Variants in COL14A1 observed in about 807,000 individuals in gnomAD.
The protein encoded by COL14A1 is collagen type XIV alpha 1 chain.
A neutral mutation model predicts 230.3 loss-of-function variants in COL14A1; 136 were observed. The observed-to-expected ratio is 0.59, with a 90% CI of 0.51 to 0.68. The LOEUF (loss-of-function observed/expected upper bound fraction) is 0.68, where lower values mean the gene tolerates loss of function less well. Ranked by LOEUF, COL14A1 falls within the 30% of genes least tolerant of loss-of-function variation. COL14A1 has a pLI of 0.00. For synonymous variants in COL14A1, 792 were observed against 784.1 expected (o/e 1.01, Z -0.17); for missense variants, 1,976 against 2,215.8 (o/e 0.89, Z 2.17).
At chr8:120,278,661 C>A in intron 28 of COL14A1, 83 bp downstream of exon 28, 2 of 1,342,028 alleles carry the variant, frequency 1.5e-6, no homozygotes, top group Non-Finnish European at 1.0e-6. Flanking sequence ...GCTATATCAG[C>A]ATTACTTAAA....
intron 26 of COL14A1, among the ~76,000 whole-genome samples, chr8:120,273,293 A>C (rs1183569310): frequency 6.6e-6 from 1 of 151,874 alleles, no homozygotes; most frequent in Non-Finnish European, 1.5e-5. Flanking sequence ...CAGTAAAAGC[A>C]GTTCTAAGAG....
At chr8:120,191,582 T>A (rs1816828506) in intron 5 of COL14A1, among the ~76,000 whole-genome samples, 1 of 151,912 alleles carries the variant, frequency 6.6e-6, no homozygotes, top group Non-Finnish European at 1.5e-5. Context: ...AGAGCTGAGT[T>A]CAATTCCTGG....
chr8:120,197,780 T>G, intron 6 of COL14A1, 31 bp from the exon 7 acceptor site: 3 of 1,590,816 alleles, frequency 1.9e-6, no homozygotes, highest in Non-Finnish European at 1.7e-6. Flanking sequence ...AACCCATTAT[T>G]CCTGGTGCGT....
intron 1 of COL14A1, among the ~76,000 whole-genome samples, chr8:120,132,838 T>G (rs1814576788): frequency 6.6e-6 from 1 of 152,190 alleles, no homozygotes; most frequent in Admixed American, 6.5e-5. Context: ...TGTTAAAAAG[T>G]AACCTCTCCA....
At chr8:120,281,346 G>C (rs1051509771) in intron 31 of COL14A1, among the ~76,000 whole-genome samples, 3 of 151,928 alleles carry the variant, frequency 2.0e-5, no homozygotes, top group African/African-American at 7.3e-5. Context: ...AGGATCACTT[G>C]AGGCCAAAAG....
chr8:120,283,899 A>G lies in COL14A1; in HGVS notation c.3967+121A>G, dbSNP rs1719465562. 11 of 682,996 alleles carry G rather than the reference A, an allele frequency of 1.6e-5. No individual in the cohort carries two copies. The South Asian group carries it at 2.3e-4, about 14-fold the overall frequency. The allele number at this position is 682,996 out of a possible 1,614,324, so 42.3% of individuals were successfully genotyped here. A position where few individuals can be genotyped will look rare whatever the true frequency, so the allele number is the denominator to read the frequency against. On this transcript the variant is annotated intron_variant, in intron 32 of 47. Transcript: ENST00000297848. ...CACTAATCTTATGTGATGTGTAAAT[A>G]CTAAACAATGAATTATATAGCAGTT...
At chr8:120,264,458 C>CT (rs1819444367) in intron 24 of COL14A1, among the ~76,000 whole-genome samples, 1 of 152,168 alleles carries the variant, frequency 6.6e-6, no homozygotes. Flanking sequence ...TTCAGCATCT[C>CT]TGAGCTTTTC....
chr8:120,167,419 A>G (rs1033480747), intron 4 of COL14A1, among the ~76,000 whole-genome samples: 23 of 152,220 alleles, frequency 1.5e-4, no homozygotes, highest in African/African-American at 5.3e-4. Context: ...TTATTTGTGC[A>G]GAGACCACTG....
At chr8:120,270,231 C>T in intron 26 of COL14A1, 57 bp downstream of exon 26, 2 of 1,496,328 alleles carry the variant, frequency 1.3e-6, no homozygotes, top group Non-Finnish European at 1.8e-6. Flanking sequence ...TTCTCCAGCT[C>T]TTATTACAGC....
At position 120,332,734 on chromosome 8, in the gene COL14A1, C is replaced by T. The variant is rs1442316480; in HGVS notation, c.4784C>T (p.Pro1595Leu). 3 of 1,612,168 alleles carry T rather than the reference C, an allele frequency of 1.9e-6. No homozygotes were observed. Among genetic ancestry groups the T allele is most frequent in the Non-Finnish European group, 1.7e-6 (2 of 1,178,730 alleles). ...GGACCGCAAGGCGCCCTGGGACCAC[C>T]TGTGAGTATGCAGCGGTAGCTGCTC... ...SMGPQGALGP[P>L]GVPGAKGERG... The change falls in exon 42 of 48, where the codon CCT becomes CTT. Residue 1595 changes from proline (P) to leucine (L), a missense_variant and splice_region_variant. Physicochemically the swap from Pro to Leu is moderately conservative, Grantham distance 98. This residue lies in a region of COL14A1 where 1,791 missense variants were observed against 2,019.5 expected (regional missense o/e 0.89). Coordinates refer to ENST00000297848, the MANE Select transcript of COL14A1 (RefSeq NM_021110.4).
intron 36 of COL14A1, among the ~76,000 whole-genome samples, chr8:120,308,908 G>T (rs2130076617): frequency 6.6e-6 from 1 of 152,192 alleles, no homozygotes; most frequent in Admixed American, 6.5e-5. Flanking sequence ...GCGAACTCTT[G>T]GCTCACAGAC....
chr8:120,311,876 C>A (rs1821055359), intron 37 of COL14A1, among the ~76,000 whole-genome samples: 1 of 152,056 alleles, frequency 6.6e-6, no homozygotes, highest in African/African-American at 2.4e-5. Context: ...GCAAGTGGAT[C>A]ACTTTGAGGT....
intron 2 of COL14A1, among the ~76,000 whole-genome samples, chr8:120,153,760 A>G (rs577038648): frequency 2.8e-4 from 43 of 152,362 alleles, no homozygotes; most frequent in African/African-American, 9.4e-4. Flanking sequence ...TCATATAATC[A>G]AAGTAAAAGT....
Position 120,243,883 on chromosome 8 carries a change from T to C in COL14A1, c.2354T>C (p.Met785Thr). ...GTCCTTTGCTTTTTTGTTCAGGTTA[T>C]GGTGCCTGGAAGCCAGAACAACCTC... ...DPEEEVIGTV[M>T]VPGSQNNLLL... Residue 785 changes from methionine (M) to threonine (T), a missense_variant, in exon 20 of 48, where the codon ATG becomes ACG. This residue lies in a region of COL14A1 where 1,791 missense variants were observed against 2,019.5 expected (regional missense o/e 0.89). Coordinates refer to ENST00000297848, the MANE Select transcript of COL14A1 (RefSeq NM_021110.4). 6.2e-7 allele frequency: 1 copy of C among 1,613,076 alleles called. No homozygotes were observed. The highest frequency in any genetic ancestry group is 8.5e-7 in the Non-Finnish European group (1 of 1,179,356).
At position 120,346,587 on chromosome 8, in the gene COL14A1, A is replaced by G. The variant is rs571632231; in HGVS notation, c.5077+1024A>G. Among the ~76,000 whole-genome samples the G allele has an allele frequency of 8.5e-4, 130 of 152,162 alleles. 4 individuals carry two copies. The highest frequency in any genetic ancestry group is 9.7e-4 in the Non-Finnish European group (66 of 68,020). On this transcript the variant is annotated intron_variant, in intron 45 of 47. Coordinates refer to ENST00000297848, the MANE Select transcript of COL14A1 (RefSeq NM_021110.4). ...TGACTCATGCTAACAGGCCTTGTGT[A>G]TTTCTGCCTCTGCACTTTTGTACAC...
intron 37 of COL14A1, among the ~76,000 whole-genome samples, chr8:120,313,129 T>C (rs942510763): frequency 1.3e-5 from 2 of 152,046 alleles, no homozygotes; most frequent in Non-Finnish European, 2.9e-5. Context: ...GGAGGCCAAA[T>C]TGGGCAGATC....
rs903514326 is a variant in COL14A1 at position 120,270,089 on chromosome 8, T to C, written c.3128T>C (p.Ile1043Thr). 5.6e-6 allele frequency: 9 copies of C among 1,611,474 alleles called. No individual in the cohort carries two copies. The highest frequency in any genetic ancestry group is 2.7e-5 in the African/African-American group (2 of 74,720). The change falls in exon 26 of 48, where the codon ATT (isoleucine) becomes ACT (threonine). Residue 1043 changes from isoleucine (I) to threonine (T), a missense_variant. Ile to Thr is a moderately conservative substitution (Grantham distance 89, BLOSUM62 -1). Transcript: ENST00000297848. ...LVFMVDGSWSIGDENFNKIIS... is the reference protein window; with the variant it reads ...LVFMVDGSWSTGDENFNKIIS... ...TTTATGGTGGATGGATCCTGGAGCA[T>C]TGGAGATGAAAATTTCAATAAGATC...
intron 37 of COL14A1, 90 bp downstream of exon 37, chr8:120,310,152 C>T: frequency 2.2e-6 from 3 of 1,343,642 alleles, no homozygotes; most frequent in Non-Finnish European, 3.1e-6. Context: ...TGACTTATTT[C>T]ACCCTTGCAA....
intron 45 of COL14A1, among the ~76,000 whole-genome samples, chr8:120,366,438 C>T (rs1823408641): frequency 6.6e-6 from 1 of 152,200 alleles, no homozygotes; most frequent in Non-Finnish European, 1.5e-5. Flanking sequence ...GCCAGGGTAA[C>T]CCAGACCCCA....
Sources: gnomAD v4.1 joint callset for allele counts (sites outside exome capture counted in the v4.1 genomes callset) on GRCh38, gnomAD v4.1.1 for gene constraint, gnomAD v4.1.1 regional missense constraint, MANE v1.5 for transcripts, NCBI Gene and HGNC (gene_info 2026-07-23, HGNC 2026-07-21) for gene names.